Variants in AKAP13 observed in about 807,000 individuals in gnomAD.
The protein encoded by AKAP13 is A-kinase anchor protein 13.
Under a neutral mutation model 264.5 loss-of-function variants are expected in AKAP13, and 80 were observed. That is an observed-to-expected ratio of 0.30 (90% confidence interval 0.25 to 0.36). The LOEUF (loss-of-function observed/expected upper bound fraction) is 0.36. Ranked by LOEUF, AKAP13 falls within the 10% of genes least tolerant of loss-of-function variation. AKAP13 has a pLI of 1.00. For synonymous variants in AKAP13, 1,380 were observed against 1,250.2 expected, an observed-to-expected ratio of 1.10 and a Z score of -2.19; for missense variants, 3,712 against 3,435.2, an observed-to-expected ratio of 1.08 and a Z score of -2.01.
Position 85,727,420 on chromosome 15 carries a change from G to A in AKAP13, c.7044G>A (p.Glu2348=), listed in dbSNP as rs2087682682. 4.3e-6 allele frequency: 7 copies of A among 1,614,178 alleles called. No individual in the cohort carries two copies. The South Asian group carries it at 7.7e-5, about 18-fold the overall frequency. ...ATGAAGGAATTCCTAGTGAGAATGA[G>A]GAAGAAAAGAAAATGTTGGACACCA... The part of the protein sequence containing the change: ...DEDEGIPSEN[E]EEKKMLDTRA... Residue 2348 remains glutamate (E), a synonymous_variant, in exon 29 of 37, where the codon GAG becomes GAA. Coordinates refer to ENST00000394518, the MANE Select transcript of AKAP13 (RefSeq NM_007200.5). The surrounding 1 kb of genome is among the most constrained non-coding windows in gnomAD (Gnocchi z 5.3).
chr15:85,628,535 A>G (rs74025645), intron 8 of AKAP13, among the ~76,000 whole-genome samples: 2,724 of 152,334 alleles, frequency 0.018, 82 homozygotes, highest in African/African-American at 0.062. Context: ...GAAAGTGTGC[A>G]TCATCTCAGA....
intron 9 of AKAP13, among the ~76,000 whole-genome samples, chr15:85,641,802 C>G (rs1003818899): frequency 6.6e-6 from 1 of 152,036 alleles, no homozygotes; most frequent in African/African-American, 2.4e-5. Context: ...AAGATACTGT[C>G]TTTTAAAATC....
At chr15:85,704,063 A>C (rs548852092) in intron 17 of AKAP13, among the ~76,000 whole-genome samples, 2 of 152,152 alleles carry the variant, frequency 1.3e-5, no homozygotes, top group African/African-American at 4.8e-5. Flanking sequence ...GTGCATTTCT[A>C]TCCTTAAAGG....
rs766548018 is a variant in AKAP13, at chr15:85,718,901, A to AAAAAAAAC, written c.6002-158_6002-151dup. On this transcript the variant is annotated intron_variant, in intron 22 of 36. Transcript: ENST00000394518. The surrounding 1 kb of genome is among the most constrained non-coding windows in gnomAD (Gnocchi z 4.9). Reference sequence around the variant, plus strand: ...GTGACAGAGCCAGAACCTGTCTTAAAAAAAAAACAAAAAAACAAAAAAACG... The same window carrying AAAAAAAAC: ...GTGACAGAGCCAGAACCTGTCTTAAAAAAAAAACAAAAAAACAAAAAAACAAAAAAACG... 7 of 906,918 alleles carry AAAAAAAAC rather than the reference A, an allele frequency of 7.7e-6. No homozygotes were observed. Among genetic ancestry groups the AAAAAAAAC allele is most frequent in the Admixed American group, 3.0e-5 (1 of 33,458 alleles). 56.2% of individuals were successfully genotyped at this position (906,918 alleles called of 1,614,324 possible).
At chr15:85,479,794 GC>G (rs1386531290) in intron 1 of AKAP13, among the ~76,000 whole-genome samples, 1 of 152,226 alleles carries the variant, frequency 6.6e-6, no homozygotes, top group Admixed American at 6.5e-5. Context: ...TAATGGTGGA[GC>G]GCTTGTTAAA....
In AKAP13 at chr15:85,581,332, G is replaced by C; in HGVS notation, c.3264G>C (p.Thr1088=). 6.2e-7 allele frequency: 1 copy of C among 1,614,198 alleles called. No homozygotes were observed. The highest frequency in any genetic ancestry group is 8.5e-7 in the Non-Finnish European group (1 of 1,180,026). Residue 1088 remains threonine (T), a synonymous_variant, in exon 7 of 37, where the codon ACG becomes ACC. Transcript: ENST00000394518. ...TSACEVSGDV[T]VDVTGVNALQ... is the part of the protein sequence containing the mutation. ...CCTGTGAGGTGAGTGGAGATGTGAC[G>C]GTGGATGTTACAGGGGTTAATGCTC...
intron 8 of AKAP13, among the ~76,000 whole-genome samples, chr15:85,609,240 C>T (rs569688536): frequency 6.6e-6 from 1 of 152,096 alleles, no homozygotes; most frequent in African/African-American, 2.4e-5. Flanking sequence ...GACTCTTTAC[C>T]CATTGACCAA....
chr15:85,577,329 GAAT>G (rs371002296), intron 6 of AKAP13, among the ~76,000 whole-genome samples: 92,716 of 151,308 alleles, frequency 0.61, 28,522 homozygotes, highest in Middle Eastern at 0.72. Context: ...GGTAATGAAT[GAAT>G]GGCGAGCAAA....
At chr15:85,738,844 CAAA>C (rs71468137) in intron 33 of AKAP13, among the ~76,000 whole-genome samples, 2 of 72,404 alleles carry the variant, frequency 2.8e-5, no homozygotes, top group East Asian at 4.4e-4. Flanking sequence ...GACTCCGTCT[CAAA>C]AAAAAAAAAA....
chr15:85,670,665 A>G (rs1020372685), intron 14 of AKAP13: 2 of 151,962 alleles, frequency 1.3e-5, no homozygotes, highest in East Asian at 3.9e-4. Flanking sequence ...TGTCTTCCAT[A>G]AACTTGTCAG....
At chr15:85,500,167 A>G (rs2170736) in intron 2 of AKAP13, among the ~76,000 whole-genome samples, 74,639 of 151,884 alleles carry the variant, frequency 0.49, 19,094 homozygotes, top group Middle Eastern at 0.61. Context: ...ATCTGGGACA[A>G]TGTGTCACTT....
chr15:85,517,023 G>A (rs1002534586), intron 2 of AKAP13, among the ~76,000 whole-genome samples: 1 of 152,080 alleles, frequency 6.6e-6, no homozygotes, highest in Non-Finnish European at 1.5e-5. Context: ...TTTAATAATG[G>A]CTGAGTTTAA....
chr15:85,678,265 A>G (rs1047508544), intron 14 of AKAP13, among the ~76,000 whole-genome samples: 2 of 152,182 alleles, frequency 1.3e-5, no homozygotes, highest in Admixed American at 1.3e-4. Flanking sequence ...TACCATACCC[A>G]TATGATTAGG....
intron 8 of AKAP13, among the ~76,000 whole-genome samples, chr15:85,596,505 C>T (rs1226291628): frequency 1.3e-5 from 2 of 151,936 alleles, no homozygotes; most frequent in Non-Finnish European, 2.9e-5. Flanking sequence ...ATCATCTGAG[C>T]CTGGGGAGGT....
intron 29 of AKAP13, among the ~76,000 whole-genome samples, chr15:85,729,257 C>T (rs992483271): frequency 6.6e-6 from 1 of 151,790 alleles, no homozygotes; most frequent in African/African-American, 2.4e-5. Context: ...TTCAGTGAGC[C>T]GAGGTAGCAC....
chr15:85,592,046 C>CTTTTTT (rs386383662), intron 8 of AKAP13, among the ~76,000 whole-genome samples: 2 of 105,270 alleles, frequency 1.9e-5, no homozygotes, highest in African/African-American at 3.6e-5. Context: ...GAACCATGAT[C>CTTTTTT]TTTTTTTTTT....
At chr15:85,422,629 C>G (rs2072575197) in intron 1 of AKAP13, among the ~76,000 whole-genome samples, 1 of 152,206 alleles carries the variant, frequency 6.6e-6, no homozygotes, top group South Asian at 2.1e-4. Flanking sequence ...TGAGGTGTTG[C>G]ATCCTTCTCT....
In AKAP13 at chr15:85,580,453, A is replaced by C; in HGVS notation, c.2385A>C (p.Ser795=). 6.2e-7 allele frequency: 1 copy of C among 1,614,260 alleles called. No homozygotes were observed. Among genetic ancestry groups the C allele is most frequent in the Non-Finnish European group, 8.5e-7 (1 of 1,180,038 alleles). The change falls in exon 7 of 37, where the codon TCA becomes TCC. Residue 795 remains serine, a synonymous_variant. Transcript: ENST00000394518. ...TGGCAAACAGTCCAGGCAGTGAATC[A>C]GTAACCAAGGATGACGCACTTTCTT... ...FSLANSPGSE[S]VTKDDALSFV...
At chr15:85,668,966 G>A (rs1026935224) in intron 13 of AKAP13, among the ~76,000 whole-genome samples, 2 of 151,950 alleles carry the variant, frequency 1.3e-5, no homozygotes, top group African/African-American at 4.8e-5. Context: ...GGCTGGGTGC[G>A]GTGACTCACG....
Sources: gnomAD v4.1 joint callset for allele counts (sites outside exome capture counted in the v4.1 genomes callset) on GRCh38, gnomAD v4.1.1 for gene constraint, Gnocchi (gnomAD v3.1) non-coding constraint, MANE v1.5 for transcripts, NCBI Gene and HGNC (gene_info 2026-07-23, HGNC 2026-07-21) for gene names.